RANBP2: variants seen among roughly 807,000 people sequenced by gnomAD.
The protein encoded by RANBP2 is E3 SUMO-protein ligase RanBP2.
A neutral mutation model predicts 303.6 loss-of-function variants in RANBP2; 57 were observed. The observed-to-expected ratio is 0.19, with a 90% CI of 0.15 to 0.23. The LOEUF (loss-of-function observed/expected upper bound fraction) is 0.23, where lower values mean the gene tolerates loss of function less well. Among genes scored for constraint, RANBP2 ranks in the 10% least tolerant of loss-of-function variants. The pLI, the probability that RANBP2 is intolerant of heterozygous loss-of-function variation, is 1.00. For synonymous variants in RANBP2, 1,167 were observed against 1,301.5 expected (o/e 0.90, Z 2.23); for missense variants, 3,138 against 3,780.8 (o/e 0.83, Z 4.46).
At chr2:109,298,462 A>G in the RANBP2 span, among the ~76,000 whole-genome samples, 2 of 152,024 alleles carry the variant, frequency 1.3e-5, no homozygotes, top group East Asian at 3.9e-4. Context: ...GCTCAGGGAA[A>G]AACCATTTCT....
chr2:109,170,601 C>T, the RANBP2 span, among the ~76,000 whole-genome samples: 6 of 152,108 alleles, frequency 3.9e-5, no homozygotes, highest in South Asian at 2.1e-4. Flanking sequence ...CCACCCGCCT[C>T]GGCCACCCAA....
chr2:109,697,938 C>T, the RANBP2 span, among the ~76,000 whole-genome samples: 13 of 150,450 alleles, frequency 8.6e-5, no homozygotes, highest in South Asian at 2.1e-4. Flanking sequence ...CGGCTCACTG[C>T]GACCTCCGCC....
intron 20 of RANBP2, chr2:108,769,115 A>G (rs1452449998): frequency 1.0e-5 from 8 of 769,168 alleles, no homozygotes; most frequent in Non-Finnish European, 1.3e-5. Context: ...TTAAATGAGC[A>G]AAGAATGAAA....
At chr2:109,718,291 A>G in the RANBP2 span, among the ~76,000 whole-genome samples, 1 of 152,258 alleles carries the variant, frequency 6.6e-6, no homozygotes, top group Non-Finnish European at 1.5e-5. Flanking sequence ...AGCATTTTCC[A>G]TAATAACCAA....
the RANBP2 span, among the ~76,000 whole-genome samples, chr2:109,486,470 G>A: frequency 6.6e-6 from 1 of 152,196 alleles, no homozygotes; most frequent in Non-Finnish European, 1.5e-5. Flanking sequence ...TAGGTCCTAG[G>A]TATTTCGTAA....
the RANBP2 span, among the ~76,000 whole-genome samples, chr2:109,728,459 T>C: frequency 3.3e-5 from 5 of 151,866 alleles, no homozygotes; most frequent in South Asian, 6.3e-4. Context: ...AAAAATTTAT[T>C]TTTTTTTATT....
intron 25 of RANBP2, among the ~76,000 whole-genome samples, chr2:108,780,423 G>A (rs1229929678): frequency 6.7e-6 from 1 of 148,610 alleles, no homozygotes; most frequent in African/African-American, 2.5e-5. Flanking sequence ...GGAGTGCAGT[G>A]GGGCGGTATC....
At chr2:109,506,446 AAAC>A in the RANBP2 span, among the ~76,000 whole-genome samples, 115 of 152,330 alleles carry the variant, frequency 7.5e-4, no homozygotes, top group Non-Finnish European at 1.1e-3. Context: ...AGAGGCACCT[AAAC>A]AACCTTGTGA....
Position 108,782,606 on chromosome 2 carries a change from A to G in RANBP2, c.9113A>G (p.Glu3038Gly), listed in dbSNP as rs1468136588. 1.9e-6 allele frequency: 3 copies of G among 1,614,250 alleles called. No homozygotes were observed. The highest frequency in any genetic ancestry group is 4.5e-5 in the East Asian group (2 of 44,888). The change falls in exon 28 of 29, where the codon GAA becomes GGA. Residue 3038 changes from glutamate (E) to glycine (G), a missense_variant. Physicochemically the swap from Glu to Gly is moderately conservative, Grantham distance 98 (BLOSUM62 -2). Transcript: ENST00000283195. ...EVADCFKKTFEECQQNLMKLQ... is the reference protein window; with the variant it reads ...EVADCFKKTFGECQQNLMKLQ... ...GCTGATTGTTTCAAGAAAACATTTGAAGAATGTCAGCAGAATTTAATGAAA... is the reference window on the plus strand; with the variant it reads ...GCTGATTGTTTCAAGAAAACATTTGGAGAATGTCAGCAGAATTTAATGAAA...
At chr2:109,663,932 A>T in the RANBP2 span, among the ~76,000 whole-genome samples, 1 of 152,224 alleles carries the variant, frequency 6.6e-6, no homozygotes. Context: ...GTCGCTGGAC[A>T]GTAGCCAACT....
the RANBP2 span, among the ~76,000 whole-genome samples, chr2:109,075,610 C>A: frequency 5.2e-5 from 7 of 134,636 alleles, no homozygotes; most frequent in African/African-American, 8.1e-5. Context: ...AGAATGGATT[C>A]AAATAAATGA....
the RANBP2 span, among the ~76,000 whole-genome samples, chr2:109,064,168 C>G: frequency 6.6e-6 from 1 of 152,152 alleles, no homozygotes; most frequent in Admixed American, 6.5e-5. Context: ...GAGACTGAGT[C>G]TTAGAACTGG....
the RANBP2 span, among the ~76,000 whole-genome samples, chr2:109,756,165 A>AT: frequency 8.6e-5 from 1 of 11,664 alleles, no homozygotes; most frequent in African/African-American, 2.1e-4. Context: ...AAATGGCTAT[A>AT]TTTTTATTAC....
the RANBP2 span, among the ~76,000 whole-genome samples, chr2:109,538,826 T>C: frequency 2.0e-5 from 3 of 152,262 alleles, no homozygotes; most frequent in Non-Finnish European, 4.4e-5. Context: ...GCCTGCATTG[T>C]CTTTGTTATG....
the RANBP2 span, among the ~76,000 whole-genome samples, chr2:109,402,763 A>G: frequency 6.6e-6 from 1 of 152,334 alleles, no homozygotes; most frequent in Non-Finnish European, 1.5e-5. Context: ...CTTCTGGGCC[A>G]TGGGGGGCAG....
the RANBP2 span, among the ~76,000 whole-genome samples, chr2:109,242,767 C>G: frequency 6.6e-6 from 1 of 152,176 alleles, no homozygotes; most frequent in Admixed American, 6.5e-5. Context: ...TCCCCAGTGA[C>G]GTCCTCAGGC....
chr2:108,848,966 C>G, the RANBP2 span, among the ~76,000 whole-genome samples: 11 of 152,196 alleles, frequency 7.2e-5, no homozygotes, highest in South Asian at 1.5e-3. Context: ...GTTATTATAA[C>G]TATATCCCTG....
chr2:109,131,082 C>T, the RANBP2 span, among the ~76,000 whole-genome samples: 2 of 152,152 alleles, frequency 1.3e-5, no homozygotes, highest in Non-Finnish European at 1.5e-5. Context: ...TACTTTTGAC[C>T]ATTTAAGGAG....
At chr2:109,626,811 C>G in the RANBP2 span, among the ~76,000 whole-genome samples, 2 of 152,238 alleles carry the variant, frequency 1.3e-5, no homozygotes, top group Non-Finnish European at 2.9e-5. Flanking sequence ...GGCTGTTTTT[C>G]TGCCATCGTC....
Sources: allele counts gnomAD v4.1 joint callset (sites outside exome capture counted in the v4.1 genomes callset), GRCh38; gene constraint gnomAD v4.1.1; transcripts MANE v1.5; gene names NCBI Gene and HGNC (gene_info 2026-07-23, HGNC 2026-07-21).